GPC5: variants seen among roughly 807,000 people sequenced by gnomAD.
The protein encoded by GPC5 is glypican 5, also known as glypican-5.
Under a neutral mutation model 53.9 loss-of-function variants are expected in GPC5, and 47 were observed. That is an observed-to-expected ratio of 0.87 (90% CI 0.69 to 1.11). GPC5 has a LOEUF of 1.11. GPC5 is among the 50% of genes most tolerant of loss of function. GPC5 has a pLI of 0.00. For synonymous variants in GPC5, 286 were observed against 263.3 expected, an observed-to-expected ratio of 1.09 and a Z score of -0.84; for missense variants, 748 against 713.1, an observed-to-expected ratio of 1.05 and a Z score of -0.56.
chr13:92,705,744 T>A (rs554202433), intron 7 of GPC5, among the ~76,000 whole-genome samples: 5 of 152,250 alleles, frequency 3.3e-5, no homozygotes, highest in Admixed American at 2.0e-4. Context: ...TAAACTTCTA[T>A]CTTTCTCTTA....
At chr13:91,979,502 A>T (rs891208183) in intron 6 of GPC5, among the ~76,000 whole-genome samples, 1 of 152,232 alleles carries the variant, frequency 6.6e-6, no homozygotes, top group Non-Finnish European at 1.5e-5. Context: ...AAAATGGGCT[A>T]TATCGACCTT....
At chr13:92,075,800 T>C (rs1204129994) in intron 6 of GPC5, among the ~76,000 whole-genome samples, 1 of 152,168 alleles carries the variant, frequency 6.6e-6, no homozygotes, top group Non-Finnish European at 1.5e-5. Flanking sequence ...AGATAATATA[T>C]GTATCATCTT....
chr13:92,038,375 GATAGATAGGTAGA>G (rs2040912177), intron 6 of GPC5, among the ~76,000 whole-genome samples: 2 of 137,488 alleles, frequency 1.5e-5, no homozygotes, highest in South Asian at 4.7e-4. Flanking sequence ...TAGATAGATA[GATAGATAGGTAGA>G]TAGATAGATC....
At chr13:92,197,603 T>C (rs1298579157) in intron 7 of GPC5, among the ~76,000 whole-genome samples, 1 of 151,610 alleles carries the variant, frequency 6.6e-6, no homozygotes, top group Non-Finnish European at 1.5e-5. Context: ...GCTCAAGAGA[T>C]CCTCCCATCT....
At chr13:91,436,938 G>A (rs956804964) in intron 1 of GPC5, among the ~76,000 whole-genome samples, 2 of 152,132 alleles carry the variant, frequency 1.3e-5, no homozygotes, top group Non-Finnish European at 2.9e-5. Context: ...TTACCATTAT[G>A]TAATGGCCTT....
At chr13:92,750,932 T>C (rs905572930) in intron 7 of GPC5, among the ~76,000 whole-genome samples, 1 of 152,092 alleles carries the variant, frequency 6.6e-6, no homozygotes, top group Non-Finnish European at 1.5e-5. Context: ...AGCATTTCTA[T>C]AGAAACAAAA....
intron 7 of GPC5, among the ~76,000 whole-genome samples, chr13:92,255,526 T>C (rs1171778291): frequency 1.3e-5 from 2 of 152,158 alleles, no homozygotes; most frequent in African/African-American, 4.8e-5. Flanking sequence ...TAATGGCATA[T>C]ATCTTTTAAC....
chr13:91,904,252 G>A (rs1025734673), intron 5 of GPC5, among the ~76,000 whole-genome samples: 2 of 146,620 alleles, frequency 1.4e-5, no homozygotes, highest in Non-Finnish European at 3.0e-5. Flanking sequence ...ACAGCTCACT[G>A]CAGCATTAAT....
chr13:91,612,000 A>G (rs551917300), intron 2 of GPC5, among the ~76,000 whole-genome samples: 1 of 152,290 alleles, frequency 6.6e-6, no homozygotes, highest in South Asian at 2.1e-4. Context: ...CTAATAAGAT[A>G]TGTTCAAATC....
At chr13:91,839,314 T>A (rs1351874446) in intron 5 of GPC5, among the ~76,000 whole-genome samples, 1 of 152,140 alleles carries the variant, frequency 6.6e-6, no homozygotes, top group East Asian at 1.9e-4. Flanking sequence ...TTCAGTATGA[T>A]AACAGACATT....
At chr13:92,527,239 AAGAAAGAAAGAGAAAGAAAG>A (rs879740498) in intron 7 of GPC5, among the ~76,000 whole-genome samples, 17 of 40,358 alleles carry the variant, frequency 4.2e-4, no homozygotes, top group African/African-American at 2.2e-3. Flanking sequence ...GAAAGAAAGA[AAGAAAGAAAGAGAAAGAAAG>A]AAAGAAAGAA....
chr13:91,421,670 G>A (rs1324116127), intron 1 of GPC5, among the ~76,000 whole-genome samples: 2 of 152,108 alleles, frequency 1.3e-5, no homozygotes, highest in Non-Finnish European at 2.9e-5. Context: ...AAACTAATAA[G>A]CTTACAGTTG....
chr13:92,013,889 T>C (rs1330180612), intron 6 of GPC5, among the ~76,000 whole-genome samples: 5 of 152,178 alleles, frequency 3.3e-5, no homozygotes, highest in African/African-American at 4.8e-5. Flanking sequence ...TAAATCAAAA[T>C]TAAAACATGA....
chr13:92,284,905 G>C (rs1228005327), intron 7 of GPC5, among the ~76,000 whole-genome samples: 1 of 152,106 alleles, frequency 6.6e-6, no homozygotes, highest in African/African-American at 2.4e-5. Flanking sequence ...AATCAGGCAG[G>C]AGAAATAAAT....
chr13:92,580,827 C>A (rs1192432360), intron 7 of GPC5, among the ~76,000 whole-genome samples: 1 of 152,128 alleles, frequency 6.6e-6, no homozygotes, highest in Non-Finnish European at 1.5e-5. Flanking sequence ...CACCTCCTAC[C>A]AGGCCCCACC....
intron 7 of GPC5, among the ~76,000 whole-genome samples, chr13:92,276,601 A>G (rs1392170316): frequency 6.6e-6 from 1 of 152,066 alleles, no homozygotes; most frequent in African/African-American, 2.4e-5. Flanking sequence ...CATGAGTGCT[A>G]GCTTTATTAC....
At chr13:91,872,292 A>C (rs958170632) in intron 5 of GPC5, among the ~76,000 whole-genome samples, 1 of 152,190 alleles carries the variant, frequency 6.6e-6, no homozygotes, top group African/African-American at 2.4e-5. Flanking sequence ...CATCTCACTA[A>C]AGTAAGAGTA....
chr13:91,879,980 T>C (rs1283808350), intron 5 of GPC5, among the ~76,000 whole-genome samples: 1 of 152,118 alleles, frequency 6.6e-6, no homozygotes, highest in Non-Finnish European at 1.5e-5. Flanking sequence ...TGGTAATAGT[T>C]ATATTTGCTT....
intron 7 of GPC5, among the ~76,000 whole-genome samples, chr13:92,619,445 ACT>A (rs1884801100): frequency 6.6e-6 from 1 of 151,894 alleles, no homozygotes; most frequent in Admixed American, 6.6e-5. Flanking sequence ...AGGTTAACAC[ACT>A]CTTTGCAAAG....
Sources: gnomAD v4.1 joint callset for allele counts (sites outside exome capture counted in the v4.1 genomes callset) on GRCh38, gnomAD v4.1.1 for gene constraint, MANE v1.5 for transcripts, NCBI Gene and HGNC (gene_info 2026-07-23, HGNC 2026-07-21) for gene names.